Variants in PDE1A observed in about 807,000 individuals in gnomAD.
PDE1A encodes dual specificity calcium/calmodulin-dependent 3',5'-cyclic nucleotide phosphodiesterase 1A.
PDE1A carries 35 observed loss-of-function variants against 61.7 expected under a neutral mutation model. That is an observed-to-expected ratio of 0.57 (90% CI 0.43 to 0.75). The LOEUF (loss-of-function observed/expected upper bound fraction) is 0.75. Among genes scored for constraint, PDE1A ranks in the 30% least tolerant of loss-of-function variants. The pLI is 0.00. For missense variants in PDE1A, 597 were observed against 630.6 expected (o/e 0.95, Z 0.57); for synonymous variants, 232 against 213.2 (o/e 1.09, Z -0.77).
At chr2:182,704,018 T>A in the PDE1A span, among the ~76,000 whole-genome samples, 1 of 149,008 alleles carries the variant, frequency 6.7e-6, no homozygotes, top group African/African-American at 2.5e-5. Context: ...CTGGCCAACA[T>A]GGTGAAACCC....
intron 1 of PDE1A, among the ~76,000 whole-genome samples, chr2:182,395,732 G>C (rs1393681333): frequency 6.6e-6 from 1 of 152,228 alleles, no homozygotes; most frequent in African/African-American, 2.4e-5. Context: ...GTCAGTGGCA[G>C]ATAGGGATGC....
chr2:182,237,066 T>C (rs1690077020), intron 3 of PDE1A, among the ~76,000 whole-genome samples: 1 of 152,210 alleles, frequency 6.6e-6, no homozygotes, highest in South Asian at 2.1e-4. Context: ...AGGTGATATA[T>C]TACAAGTTTC....
intron 3 of PDE1A, among the ~76,000 whole-genome samples, chr2:182,236,773 C>A (rs1690054420): frequency 6.6e-6 from 1 of 152,100 alleles, no homozygotes; most frequent in Non-Finnish European, 1.5e-5. Flanking sequence ...TCAATGGGAC[C>A]TCTGATGCTA....
chr2:182,513,137 A>T (rs1445348811), intron 2 of PDE1A, among the ~76,000 whole-genome samples: 1 of 152,144 alleles, frequency 6.6e-6, no homozygotes, highest in Non-Finnish European at 1.5e-5. Context: ...CATCCCTAAG[A>T]CACATGGGCA....
At chr2:182,648,611 G>T in the PDE1A span, among the ~76,000 whole-genome samples, 3 of 150,740 alleles carry the variant, frequency 2.0e-5, no homozygotes, top group Non-Finnish European at 2.9e-5. Context: ...TGAGGGAGGA[G>T]GATCACTTGA....
intron 1 of PDE1A, among the ~76,000 whole-genome samples, chr2:182,425,839 G>T (rs762357038): frequency 6.6e-6 from 1 of 151,900 alleles, no homozygotes; most frequent in African/African-American, 2.4e-5. Flanking sequence ...TCTGTTTTGA[G>T]GGGCAAAAAT....
intron 1 of PDE1A, among the ~76,000 whole-genome samples, chr2:182,300,280 A>T (rs1199908745): frequency 2.0e-5 from 3 of 152,202 alleles, no homozygotes; most frequent in Non-Finnish European, 4.4e-5. Context: ...GAATAGGTAG[A>T]CTAGCTTCCA....
At chr2:182,606,177 T>C in the PDE1A span, among the ~76,000 whole-genome samples, 1 of 152,206 alleles carries the variant, frequency 6.6e-6, no homozygotes, top group Non-Finnish European at 1.5e-5. Context: ...TAGTTATTTA[T>C]TTGTTTGTTT....
At chr2:182,460,057 T>A (rs1686177951) in intron 2 of PDE1A, among the ~76,000 whole-genome samples, 1 of 152,192 alleles carries the variant, frequency 6.6e-6, no homozygotes, top group African/African-American at 2.4e-5. Flanking sequence ...ATTTAGTCCA[T>A]GGCCACAATT....
exon 8 of PDE1A, chr2:182,206,036 C>A (rs552582520): frequency 3.7e-6 from 6 of 1,609,914 alleles, no homozygotes; most frequent in Non-Finnish European, 5.1e-6. Flanking sequence ...AAGGACAGAG[C>A]GATCATTATA....
At chr2:182,602,835 T>G in the PDE1A span, among the ~76,000 whole-genome samples, 16 of 152,248 alleles carry the variant, frequency 1.1e-4, no homozygotes, top group South Asian at 3.3e-3. Context: ...AGGCCAAGAA[T>G]AAGTGGCTTT....
intron 1 of PDE1A, among the ~76,000 whole-genome samples, chr2:182,404,095 G>T (rs1206614322): frequency 6.6e-6 from 1 of 152,026 alleles, no homozygotes; most frequent in Non-Finnish European, 1.5e-5. Flanking sequence ...AATATGCTTT[G>T]GAAATGGTCC....
chr2:182,664,146 A>G, the PDE1A span, among the ~76,000 whole-genome samples: 1 of 152,194 alleles, frequency 6.6e-6, no homozygotes, highest in East Asian at 1.9e-4. Context: ...TCCATCCAAT[A>G]AATAAAAATT....
intron 13 of PDE1A, among the ~76,000 whole-genome samples, chr2:182,170,984 C>G (rs754389118): frequency 3.3e-5 from 5 of 151,912 alleles, no homozygotes; most frequent in Admixed American, 2.0e-4. Flanking sequence ...TTAATACTTT[C>G]CCACCAATTT....
chr2:182,444,347 C>T (rs986631796), intron 2 of PDE1A, among the ~76,000 whole-genome samples: 3 of 152,064 alleles, frequency 2.0e-5, no homozygotes, highest in African/African-American at 7.2e-5. Flanking sequence ...TTCTTTGTGG[C>T]TGTGTATTTT....
At chr2:182,347,245 C>T (rs1350736203) in intron 1 of PDE1A, among the ~76,000 whole-genome samples, 2 of 152,046 alleles carry the variant, frequency 1.3e-5, no homozygotes, top group African/African-American at 4.8e-5. Context: ...TTGATAAGTA[C>T]ATTGACCTAC....
chr2:182,498,294 A>T (rs898395116), intron 2 of PDE1A, among the ~76,000 whole-genome samples: 1 of 152,104 alleles, frequency 6.6e-6, no homozygotes, highest in Admixed American at 6.5e-5. Context: ...ATCAACTAAA[A>T]CAATTTCAGA....
chr2:182,608,490 C>A, the PDE1A span, among the ~76,000 whole-genome samples: 1 of 152,190 alleles, frequency 6.6e-6, no homozygotes, highest in African/African-American at 2.4e-5. Context: ...CTGGGCTGCG[C>A]CAGGCGCTTG....
intron 6 of PDE1A, among the ~76,000 whole-genome samples, chr2:182,225,508 T>C (rs909737237): frequency 6.6e-6 from 1 of 151,878 alleles, no homozygotes; most frequent in Non-Finnish European, 1.5e-5. Context: ...GTTTGTTAAA[T>C]TGTAGTTTTG....
Sources: gnomAD v4.1 joint callset for allele counts (sites outside exome capture counted in the v4.1 genomes callset) on GRCh38, gnomAD v4.1.1 for gene constraint, MANE v1.5 for transcripts, NCBI Gene and HGNC (gene_info 2026-07-23, HGNC 2026-07-21) for gene names.